Variants in ZNF226 observed in about 807,000 individuals in gnomAD.
The protein encoded by ZNF226 is Kruppel-associated box protein.
A neutral mutation model predicts 11.4 loss-of-function variants in ZNF226; 6 were observed. The observed-to-expected ratio is 0.53, with a 90% CI of 0.29 to 1.04. The LOEUF is 1.04. Among genes scored for constraint, ZNF226 ranks in the 50% least tolerant of loss-of-function variants. The pLI is 0.08. For missense variants in ZNF226, 1,058 were observed against 956.5 expected (o/e 1.11, Z -1.40); for synonymous variants, 350 against 322.8 (o/e 1.08, Z -0.90).
chr19:44,180,494 C>G (rs1436910230), downstream of ZNF226, among the ~76,000 whole-genome samples: 3 of 152,110 alleles, frequency 2.0e-5, no homozygotes, highest in Non-Finnish European at 2.9e-5. Flanking sequence ...TTAGTTTGCT[C>G]TTAGATATCA....
At chr19:44,177,862 A>G, downstream of ZNF226, 1 of 633,330 alleles carries the variant, frequency 1.6e-6, no homozygotes, top group Non-Finnish European at 2.5e-6. Flanking sequence ...AGGGGTGTTA[A>G]GAGTGAAATT....
At chr19:44,191,772 A>AG in the ZNF226 span, among the ~76,000 whole-genome samples, 1 of 152,206 alleles carries the variant, frequency 6.6e-6, no homozygotes, top group Non-Finnish European at 1.5e-5. Flanking sequence ...GATTAAAAAA[A>AG]AAAACCTTAA....
At chr19:44,167,089 T>C (rs1969471282) in intron 2 of ZNF226, among the ~76,000 whole-genome samples, 1 of 152,194 alleles carries the variant, frequency 6.6e-6, no homozygotes, top group South Asian at 2.1e-4. Flanking sequence ...AGAAGGCAGC[T>C]GTCAAGTCTA....
rs1356682085 is a variant in ZNF226, at chr19:44,177,680, TG to T, written c.*7del. On this transcript the variant is annotated 3_prime_UTR_variant, in exon 6 of 6. Transcript: ENST00000337433. The stretch of plus-strand genomic sequence containing the variant: ...AAAAAAAATCTATAAAATGATTCTT[TG>T]TGAAGACTCGTGTCATTTGAATTCT... The T allele has an allele frequency of 6.4e-7, 1 of 1,566,094 alleles. No homozygotes were observed. The highest frequency in any genetic ancestry group is 1.4e-5 in the African/African-American group (1 of 73,212).
rs1970156913 is a variant in ZNF226 at position 44,172,031 on chromosome 19, T to TA, written c.16-56dup. The TA allele has an allele frequency of 3.8e-6, 6 of 1,591,042 alleles. No individual in the cohort carries two copies. The East Asian group carries it at 1.4e-4, about 37-fold the overall frequency. ...ACAACTTTCCACCTGTTCTCAGTGT[T>TA]ACCCATCTTCTAGTGGACATTGGTT... On this transcript the variant is annotated intron_variant, in intron 3 of 5. Transcript: ENST00000337433.
downstream of ZNF226, among the ~76,000 whole-genome samples, chr19:44,182,594 T>G (rs888287184): frequency 6.6e-6 from 1 of 152,128 alleles, no homozygotes; most frequent in Non-Finnish European, 1.5e-5. Flanking sequence ...CTTGAGAAGT[T>G]CATTGGCGAG....
intron 4 of ZNF226, 169 bp from the exon 5 acceptor site, chr19:44,172,691 T>C: frequency 1.6e-6 from 1 of 606,478 alleles, no homozygotes; most frequent in East Asian, 2.8e-5. Context: ...TTTACGCATG[T>C]GTGTCTGGGT....
At chr19:44,189,043 A>G in the ZNF226 span, among the ~76,000 whole-genome samples, 78 of 152,282 alleles carry the variant, frequency 5.1e-4, no homozygotes, top group African/African-American at 1.7e-3. Flanking sequence ...AGGTCATGAC[A>G]TTTGAGCAAC....
the ZNF226 span, among the ~76,000 whole-genome samples, chr19:44,192,311 A>C: frequency 1.3e-5 from 2 of 152,172 alleles, no homozygotes; most frequent in Non-Finnish European, 2.9e-5. Context: ...CGAGAGAGCG[A>C]GAGAAGCAAG....
chr19:44,182,780 C>T (rs951540857), downstream of ZNF226, among the ~76,000 whole-genome samples: 7 of 152,162 alleles, frequency 4.6e-5, 1 homozygote, highest in Middle Eastern at 6.8e-3. Context: ...AAAATGAGTG[C>T]GTTTATCACA....
At chr19:44,179,028 A>G (rs1970866019), downstream of ZNF226, among the ~76,000 whole-genome samples, 1 of 152,036 alleles carries the variant, frequency 6.6e-6, no homozygotes, top group South Asian at 2.1e-4. Flanking sequence ...AAAAATACAA[A>G]AGGTAGCTGG....
At chr19:44,181,070 C>A (rs911969851), downstream of ZNF226, among the ~76,000 whole-genome samples, 3 of 152,124 alleles carry the variant, frequency 2.0e-5, no homozygotes, top group African/African-American at 7.2e-5. Flanking sequence ...GTTCTTTTGG[C>A]CTTTGTGAAC....
chr19:44,194,241 C>T, the ZNF226 span, among the ~76,000 whole-genome samples: 7 of 152,224 alleles, frequency 4.6e-5, no homozygotes, highest in African/African-American at 1.2e-4. Flanking sequence ...ATGGCAGTGA[C>T]GTTCCTAGTG....
At chr19:44,191,853 A>G in the ZNF226 span, among the ~76,000 whole-genome samples, 5 of 152,320 alleles carry the variant, frequency 3.3e-5, no homozygotes, top group East Asian at 9.6e-4. Context: ...TATTTTGATA[A>G]AACAAAAAAT....
the ZNF226 span, among the ~76,000 whole-genome samples, chr19:44,193,003 A>G: frequency 6.6e-6 from 1 of 152,092 alleles, no homozygotes; most frequent in Non-Finnish European, 1.5e-5. Flanking sequence ...ATAAAAAGAA[A>G]ATTGTCTGAC....
At chr19:44,199,308 G>A in the ZNF226 span, among the ~76,000 whole-genome samples, 13 of 151,340 alleles carry the variant, frequency 8.6e-5, no homozygotes, top group Non-Finnish European at 2.9e-5. Flanking sequence ...CCAAGTAGCA[G>A]GGACTACAGG....
At chr19:44,186,354 A>G in the ZNF226 span, among the ~76,000 whole-genome samples, 1 of 151,902 alleles carries the variant, frequency 6.6e-6, no homozygotes, top group Non-Finnish European at 1.5e-5. Flanking sequence ...GTTCCCATTT[A>G]TTTGTATCTT....
At chr19:44,179,205 C>T (rs917823105), downstream of ZNF226, among the ~76,000 whole-genome samples, 1 of 152,112 alleles carries the variant, frequency 6.6e-6, no homozygotes, top group South Asian at 2.1e-4. Flanking sequence ...ACCTTAAATT[C>T]GTGTGTGTCC....
the ZNF226 span, among the ~76,000 whole-genome samples, chr19:44,189,849 C>T: frequency 1.3e-5 from 2 of 152,214 alleles, no homozygotes; most frequent in African/African-American, 4.8e-5. Flanking sequence ...CTCGTTATAG[C>T]ATCGGGTGGT....
Sources: allele counts gnomAD v4.1 joint callset (sites outside exome capture counted in the v4.1 genomes callset), GRCh38; gene constraint gnomAD v4.1.1; transcripts MANE v1.5; gene names NCBI Gene and HGNC (gene_info 2026-07-23, HGNC 2026-07-21).